The following PKNOX2 variants were observed in gnomAD, a reference collection of about 807,000 sequenced individuals.
PKNOX2 encodes the protein PBX/knotted 1 homeobox 2.
PKNOX2 carries 14 observed loss-of-function variants against 53.1 expected under a neutral mutation model. The observed-to-expected ratio is 0.26, with a 90% CI of 0.17 to 0.41. The LOEUF is 0.41. Ranked by LOEUF, PKNOX2 falls within the 10% of genes least tolerant of loss-of-function variation. PKNOX2 has a pLI of 1.00. For synonymous variants in PKNOX2, 257 were observed against 242.8 expected, an observed-to-expected ratio of 1.06 and a Z score of -0.54; for missense variants, 496 against 602.8, an observed-to-expected ratio of 0.82 and a Z score of 1.85.
chr11:125,200,060 C>G (rs1010957279), intron 1 of PKNOX2, among the ~76,000 whole-genome samples: 1 of 152,152 alleles, frequency 6.6e-6, no homozygotes, highest in African/African-American at 2.4e-5. Flanking sequence ...GACAGTGACA[C>G]CAGTGGCCTC....
intron 1 of PKNOX2, among the ~76,000 whole-genome samples, chr11:125,222,356 C>A (rs1458974856): frequency 6.6e-6 from 1 of 151,974 alleles, no homozygotes; most frequent in Non-Finnish European, 1.5e-5. Flanking sequence ...AGGGTTGAGG[C>A]TATGTTGTCT....
At chr11:125,244,028 T>A (rs924642870) in intron 2 of PKNOX2, among the ~76,000 whole-genome samples, 1 of 152,108 alleles carries the variant, frequency 6.6e-6, no homozygotes, top group African/African-American at 2.4e-5. Flanking sequence ...GATGAATGGA[T>A]GGAAGGATGA....
chr11:125,381,347 A>G (rs1953214076), intron 5 of PKNOX2, among the ~76,000 whole-genome samples: 1 of 152,032 alleles, frequency 6.6e-6, no homozygotes, highest in African/African-American at 2.4e-5. Flanking sequence ...CTGCCCTCCA[A>G]CCCTGACTGC....
intron 1 of PKNOX2, among the ~76,000 whole-genome samples, chr11:125,217,593 G>A (rs996999973): frequency 1.3e-5 from 2 of 152,162 alleles, no homozygotes; most frequent in African/African-American, 2.4e-5. Flanking sequence ...AGTGCACATC[G>A]GCTGTCTCCT....
At chr11:125,326,322 G>T (rs1048269720) in intron 2 of PKNOX2, among the ~76,000 whole-genome samples, 4 of 152,212 alleles carry the variant, frequency 2.6e-5, no homozygotes, top group Non-Finnish European at 4.4e-5. Flanking sequence ...CAGAGGAAAG[G>T]GAAGCGTGGC....
Position 125,329,068 on chromosome 11 carries a change from A to G in PKNOX2, c.-129-2751A>G, listed in dbSNP as rs76884594. On this transcript the variant is annotated intron_variant, in intron 2 of 12. Transcript: ENST00000298282. ...CTGCAAGAATAGTCATTATGTGTTT[A>G]TAATAGCAAAAACTGGAAATAATCT... Among the ~76,000 whole-genome samples, 565 of 152,386 alleles carry G rather than the reference A, an allele frequency of 3.7e-3. 1 individual carries two copies. The highest frequency in any genetic ancestry group is 0.023 in the South Asian group (110 of 4,830).
At chr11:125,262,410 G>C (rs1210416685) in intron 2 of PKNOX2, among the ~76,000 whole-genome samples, 2 of 151,960 alleles carry the variant, frequency 1.3e-5, no homozygotes, top group Non-Finnish European at 2.9e-5. Context: ...CTCTGGCTGA[G>C]GGGGTGTTTG....
intron 7 of PKNOX2, among the ~76,000 whole-genome samples, chr11:125,401,621 A>C (rs895487289): frequency 1.3e-5 from 2 of 152,116 alleles, no homozygotes; most frequent in African/African-American, 4.8e-5. Flanking sequence ...TATTGCACTA[A>C]GGTAGGGGCC....
At chr11:125,426,488 G>A (rs1591569407) in intron 10 of PKNOX2, among the ~76,000 whole-genome samples, 1 of 152,234 alleles carries the variant, frequency 6.6e-6, no homozygotes, top group Non-Finnish European at 1.5e-5. Flanking sequence ...AACCAGCACA[G>A]CCAGCACGGC....
intron 6 of PKNOX2, among the ~76,000 whole-genome samples, chr11:125,392,646 G>A (rs1186274648): frequency 6.6e-6 from 1 of 151,934 alleles, no homozygotes; most frequent in Non-Finnish European, 1.5e-5. Context: ...TTTTACTTTT[G>A]TTTTACTTAC....
chr11:125,196,979 G>A lies in PKNOX2; in HGVS notation c.-201+32203G>A, dbSNP rs144029916. ...GGATTTTACCCTATTGGGTAAAGCC[G>A]TAAGCGATGTGGCTACTTAAATTTA... On this transcript the variant is annotated intron_variant, in intron 1 of 12. Transcript: ENST00000298282. Among the ~76,000 whole-genome samples the A allele has an allele frequency of 4.2e-3, 642 of 152,324 alleles. 4 individuals carry two copies. The highest frequency in any genetic ancestry group is 0.015 in the African/African-American group (624 of 41,558).
At chr11:125,262,790 C>T (rs1428591501) in intron 2 of PKNOX2, among the ~76,000 whole-genome samples, 1 of 152,098 alleles carries the variant, frequency 6.6e-6, no homozygotes, top group East Asian at 1.9e-4. Flanking sequence ...CTTTCTCTAA[C>T]TTTCTCTGCT....
chr11:125,264,374 C>T (rs370624378), intron 2 of PKNOX2, among the ~76,000 whole-genome samples: 1 of 152,106 alleles, frequency 6.6e-6, no homozygotes, highest in African/African-American at 2.4e-5. Flanking sequence ...CTATGGTGGG[C>T]CTGGGGTCCT....
At chr11:125,178,297 A>T (rs1591470108) in intron 1 of PKNOX2, among the ~76,000 whole-genome samples, 1 of 151,810 alleles carries the variant, frequency 6.6e-6, no homozygotes, top group Admixed American at 6.6e-5. Flanking sequence ...AGATCATCTC[A>T]GGTTGGGAGA....
chr11:125,323,977 G>A lies in PKNOX2; in HGVS notation c.-129-7842G>A, dbSNP rs148904604. ...AATTACTCCATGTAAAAGGCCATCC[G>A]GAGCTCAGTTCCTAGCATCCTTTTT... On this transcript the variant is annotated intron_variant, in intron 2 of 12. Coordinates refer to ENST00000298282, the MANE Select transcript of PKNOX2 (RefSeq NM_001382323.2). Among the ~76,000 whole-genome samples, 371 of 152,102 alleles carry A rather than the reference G, an allele frequency of 2.4e-3. 3 individuals are homozygous for A. The highest frequency in any genetic ancestry group is 0.013 in the East Asian group (68 of 5,180).
Position 125,232,990 on chromosome 11 carries a change from C to T in PKNOX2, c.-200-2055C>T, listed in dbSNP as rs376776203. Among the ~76,000 whole-genome samples, 98 of 151,734 alleles carry T rather than the reference C, an allele frequency of 6.5e-4. 1 individual carries two copies. The highest frequency in any genetic ancestry group is 2.2e-3 in the African/African-American group (92 of 41,362). On this transcript the variant is annotated intron_variant, in intron 1 of 12. Transcript: ENST00000298282. ...TCTGTGAAAAAAAAGTGGGTTTGCA[C>T]GTGGACGTAGGATATACTAATTTGA...
chr11:125,190,570 T>C (rs968918452), intron 1 of PKNOX2, among the ~76,000 whole-genome samples: 1 of 152,252 alleles, frequency 6.6e-6, no homozygotes, highest in African/African-American at 2.4e-5. Context: ...AGAGCCCAGC[T>C]TCTGCTTTGG....
At chr11:125,203,967 CCT>C (rs1938762848) in intron 1 of PKNOX2, among the ~76,000 whole-genome samples, 1 of 152,188 alleles carries the variant, frequency 6.6e-6, no homozygotes, top group African/African-American at 2.4e-5. Flanking sequence ...GAAGTACAAG[CCT>C]CTGTGTCCCT....
intron 7 of PKNOX2, among the ~76,000 whole-genome samples, chr11:125,408,979 C>T (rs554993067): frequency 5.3e-5 from 8 of 152,312 alleles, no homozygotes; most frequent in African/African-American, 1.9e-4. Flanking sequence ...TTGCAGTTCA[C>T]GCCTTACGAT....
Sources: allele counts gnomAD v4.1 joint callset (sites outside exome capture counted in the v4.1 genomes callset), GRCh38; gene constraint gnomAD v4.1.1; transcripts MANE v1.5; gene names NCBI Gene and HGNC (gene_info 2026-07-23, HGNC 2026-07-21).